The following VGLL4 variants were observed in gnomAD, a reference collection of about 807,000 sequenced individuals.
The protein encoded by VGLL4 is transcription cofactor vestigial-like protein 4.
VGLL4 carries 7 observed loss-of-function variants against 21.0 expected under a neutral mutation model. The observed-to-expected ratio is 0.33, with a 90% CI of 0.19 to 0.63. The LOEUF is 0.63. Among genes scored for constraint, VGLL4 ranks in the 20% least tolerant of loss-of-function variants. VGLL4 has a pLI of 0.78. For synonymous variants in VGLL4, 222 were observed against 173.2 expected, an observed-to-expected ratio of 1.28 and a Z score of -2.21; for missense variants, 394 against 425.7, an observed-to-expected ratio of 0.93 and a Z score of 0.66.
chr3:11,559,297 C>A, intron 4 of VGLL4, 35 bp downstream of exon 4: 2 of 1,503,042 alleles, frequency 1.3e-6, no homozygotes, highest in South Asian at 1.3e-5. Flanking sequence ...GCCACTAGCA[C>A]AGCTGTGACA....
At chr3:11,629,233 T>C (rs1165079462) in intron 1 of VGLL4, among the ~76,000 whole-genome samples, 2 of 152,302 alleles carry the variant, frequency 1.3e-5, no homozygotes, top group East Asian at 1.9e-4. Flanking sequence ...TTCTGGGGTG[T>C]AGCCAATCTT....
Position 11,559,392 on chromosome 3 carries a change from G to A in VGLL4, c.559C>T (p.Pro187Ser). ...GARNCNLSHC[P>S]IAHSGCAAPG... ...GCGGCACAGCCGCTGTGCGCGATGG[G>A]GCAGTGCGAGAGGTTGCAGTTGCGG... is the stretch of plus-strand genomic sequence containing the variant. The change falls in exon 4 of 5, where the codon CCC (proline) becomes TCC (serine). Residue 187 changes from proline to serine, a missense_variant. Transcript: ENST00000430365. 1 of 1,560,148 alleles carries A rather than the reference G, an allele frequency of 6.4e-7. No homozygotes were observed. The highest frequency in any genetic ancestry group is 8.7e-7 in the Non-Finnish European group (1 of 1,153,014).
At chr3:11,592,527 T>TA (rs144852951) in intron 2 of VGLL4, among the ~76,000 whole-genome samples, 3,333 of 152,292 alleles carry the variant, frequency 0.022, 113 homozygotes, top group African/African-American at 0.075. Flanking sequence ...TTGTGTGTGC[T>TA]AAAATGAACA....
At position 11,720,170 on chromosome 3, in the gene VGLL4, G is replaced by T. The variant is rs1025875868; in HGVS notation, c.-14+224C>A. On this transcript the variant is annotated intron_variant, in intron 1 of 5. Transcript: ENST00000273038. ...TCCCGCCACACACACCCCGCCAAGC[G>T]CCCGGAGTTCAGCCGAACCTGCGGC... Among the ~76,000 whole-genome samples, 3 of 152,008 alleles carry T rather than the reference G, an allele frequency of 2.0e-5. 1 individual carries two copies. In the South Asian group the frequency reaches 6.2e-4, roughly 32 times the overall value.
chr3:11,702,820 G>A (rs951062453), intron 2 of VGLL4: 2 of 478,078 alleles, frequency 4.2e-6, no homozygotes, highest in Non-Finnish European at 3.5e-6. Context: ...ATACAAATGA[G>A]GATGTGAAGC....
intron 2 of VGLL4, among the ~76,000 whole-genome samples, chr3:11,669,361 G>A (rs1040854674): frequency 2.0e-5 from 3 of 152,050 alleles, no homozygotes; most frequent in Non-Finnish European, 2.9e-5. Context: ...CAGCCTGTGC[G>A]ACAGAGTAAG....
chr3:11,667,799 C>G (rs1010591906), intron 2 of VGLL4, among the ~76,000 whole-genome samples: 1 of 147,298 alleles, frequency 6.8e-6, no homozygotes, highest in Non-Finnish European at 1.5e-5. Flanking sequence ...AATAGAGAAC[C>G]TTTCTGACTC....
rs9811695 is a variant in VGLL4, at chr3:11,567,145, G to A, written c.273-2126C>T. Among the ~76,000 whole-genome samples, 636 of 152,218 alleles carry A rather than the reference G, an allele frequency of 4.2e-3. 6 individuals are homozygous for A. Among genetic ancestry groups the A allele is most frequent in the Admixed American group, 0.012 (178 of 15,276 alleles). ...TCTGCGCCATCTCCAGCAGGGGCAC[G>A]CGCTCAGCTTAGTGACCCGAGGCGT... On this transcript the variant is annotated intron_variant, in intron 2 of 4. Transcript: ENST00000430365.
At chr3:11,620,396 G>A (rs914510470) in intron 1 of VGLL4, among the ~76,000 whole-genome samples, 1 of 152,194 alleles carries the variant, frequency 6.6e-6, no homozygotes, top group Non-Finnish European at 1.5e-5. Flanking sequence ...CAACAGCACA[G>A]CACCCCTGAG....
At position 11,604,409 on chromosome 3, in the gene VGLL4, G is replaced by A; in HGVS notation, c.83-2387C>T. 4 of 957,122 alleles carry A rather than the reference G, an allele frequency of 4.2e-6. 2 individuals carry two copies. Among genetic ancestry groups the A allele is most frequent in the Non-Finnish European group, 4.9e-6 (4 of 810,410 alleles). The allele number at this position is 957,122 out of a possible 1,614,324, so 59.3% of individuals were successfully genotyped here. Reference sequence around the variant, plus strand: ...CAACGCCTCATCCTAAGACTGTGCAGCCTCACACAAGGCTTACAGCAAAGG... The same window carrying A: ...CAACGCCTCATCCTAAGACTGTGCAACCTCACACAAGGCTTACAGCAAAGG... On this transcript the variant is annotated intron_variant, in intron 1 of 4. Transcript: ENST00000430365.
upstream of VGLL4, among the ~76,000 whole-genome samples, chr3:11,647,462 T>C (rs1052278956): frequency 2.0e-5 from 3 of 152,160 alleles, no homozygotes; most frequent in Non-Finnish European, 2.9e-5. Flanking sequence ...CCAAAATACT[T>C]GGACCAGAAG....
At chr3:11,689,620 A>C (rs1179982971) in intron 2 of VGLL4, among the ~76,000 whole-genome samples, 3 of 152,054 alleles carry the variant, frequency 2.0e-5, no homozygotes, top group Admixed American at 1.3e-4. Context: ...TTTTTCTTTC[A>C]TACTATTTAT....
rs1011172454 is a variant in VGLL4, at chr3:11,719,390, C to G, written c.-14+1004G>C. 9 of 151,902 alleles carry G rather than the reference C, an allele frequency of 5.9e-5. No individual in the cohort carries two copies. Among genetic ancestry groups the G allele is most frequent in the South Asian group, 2.1e-4 (1 of 4,830 alleles). 9.4% of individuals were successfully genotyped at this position (151,902 alleles called of 1,614,324 possible). A position where few individuals can be genotyped will look rare whatever the true frequency, so the allele number is the denominator to read the frequency against. ...AGCCCTCGCCCAGCCCGGGTCCCGC[C>G]CCGCCGACCGGGTCAACCGCACTCA... On this transcript the variant is annotated intron_variant, in intron 1 of 5. Transcript: ENST00000273038. This position sits in a 1 kb window ranked among gnomAD's most constrained non-coding sequence, Gnocchi z 4.0.
intron 1 of VGLL4, among the ~76,000 whole-genome samples, chr3:11,711,346 C>T (rs917633911): frequency 9.9e-5 from 15 of 151,690 alleles, no homozygotes; most frequent in Admixed American, 3.3e-4. Context: ...GAGACCATCC[C>T]GGCTAACATG....
At chr3:11,678,929 T>C (rs565487557) in intron 2 of VGLL4, among the ~76,000 whole-genome samples, 1 of 152,184 alleles carries the variant, frequency 6.6e-6, no homozygotes, top group Non-Finnish European at 1.5e-5. Context: ...ACTGACATCA[T>C]AGCCGTCATA....
chr3:11,563,885 G>A (rs1423648892), intron 3 of VGLL4, among the ~76,000 whole-genome samples: 3 of 152,074 alleles, frequency 2.0e-5, no homozygotes, highest in Non-Finnish European at 4.4e-5. Flanking sequence ...CAACTCCCAG[G>A]GCCTACCCCA....
At chr3:11,715,976 C>T (rs1048154621) in intron 1 of VGLL4, among the ~76,000 whole-genome samples, 10 of 151,978 alleles carry the variant, frequency 6.6e-5, no homozygotes, top group African/African-American at 2.2e-4. Context: ...ACCATACTTA[C>T]GGGCCACTGT....
At chr3:11,624,773 TGA>T (rs1427400215) in intron 1 of VGLL4, among the ~76,000 whole-genome samples, 5 of 151,948 alleles carry the variant, frequency 3.3e-5, no homozygotes, top group African/African-American at 9.7e-5. Context: ...TCTAGAAAAA[TGA>T]GAGGGGCAAG....
intron 2 of VGLL4, among the ~76,000 whole-genome samples, chr3:11,652,717 AAATAAATCAG>A (rs1345795084): frequency 1.3e-5 from 2 of 152,326 alleles, no homozygotes; most frequent in East Asian, 3.9e-4. Flanking sequence ...ATGGTGTTTT[AAATAAATCAG>A]AATAAATCAG....
Sources: gnomAD v4.1 joint callset for allele counts (sites outside exome capture counted in the v4.1 genomes callset) on GRCh38, gnomAD v4.1.1 for gene constraint, Gnocchi (gnomAD v3.1) non-coding constraint, MANE v1.5 for transcripts, NCBI Gene and HGNC (gene_info 2026-07-23, HGNC 2026-07-21) for gene names.